REPS2: variants seen among roughly 807,000 people sequenced by gnomAD.
REPS2 encodes the protein ralBP1-associated Eps domain-containing protein 2.
A neutral mutation model predicts 53.6 loss-of-function variants in REPS2; 23 were observed. The ratio of observed to expected loss-of-function variants is 0.43; its 90% CI spans 0.31 to 0.61. REPS2 has a LOEUF of 0.61. REPS2 is among the 20% of genes least tolerant of loss of function. The probability of loss-of-function intolerance (pLI) is 0.11; values close to 1 mark genes in which losing one functional copy is unlikely to be tolerated. For missense variants in REPS2, 446 were observed against 534.9 expected (o/e 0.83, Z 1.64); for synonymous variants, 238 against 218.6 (o/e 1.09, Z -0.78).
rs1044438239 is a variant in REPS2 at position 17,043,357 on chromosome X, G to C, written c.772-3990G>C. Among the ~76,000 whole-genome samples, 5 of 111,313 alleles carry C rather than the reference G, an allele frequency of 4.5e-5. No individual in the cohort carries two copies. The East Asian group carries it at 8.5e-4, about 19-fold the overall frequency. ...GGGTTGGGTTCTCATGGGAATCTAA[G>C]AAATGAGAGCCAAGGAATGGCCCAC... On this transcript the variant is annotated intron_variant, in intron 5 of 17. Coordinates refer to ENST00000357277, the MANE Select transcript of REPS2 (RefSeq NM_004726.3).
Position 17,149,151 on chromosome X carries a change from T to C in REPS2, c.*1670T>C, listed in dbSNP as rs973141434. ...TTGAACTATTTTTCTATTCCCTTTT[T>C]TTCTTCCCCATTTGCTGCCTTTTTT... On this transcript the variant is annotated 3_prime_UTR_variant, in exon 18 of 18. Coordinates refer to ENST00000357277, the MANE Select transcript of REPS2 (RefSeq NM_004726.3). The C allele has an allele frequency of 8.1e-6, 2 of 247,345 alleles. No homozygotes were observed. The highest frequency in any genetic ancestry group is 1.5e-5 in the Non-Finnish European group (2 of 132,827). 20.4% of individuals were successfully genotyped at this position (247,345 alleles called of 1,213,427 possible). A position where few individuals can be genotyped will look rare whatever the true frequency, so the allele number is the denominator to read the frequency against.
In REPS2 at chrX:17,150,079, A is replaced by G. The variant is rs2063554933; in HGVS notation, c.*2598A>G. The G allele has an allele frequency of 8.9e-6, 1 of 112,844 alleles. No individual in the cohort carries two copies. The highest frequency in any genetic ancestry group is 3.2e-5 in the African/African-American group (1 of 30,940). 9.3% of individuals were successfully genotyped at this position (112,844 alleles called of 1,213,427 possible). On this transcript the variant is annotated 3_prime_UTR_variant, in exon 18 of 18. Transcript: ENST00000357277. ...AAACAGTTAAATGTGTGTGCATAAC[A>G]CACAAGTAATGACACACTACTATTA...
At chrX:17,035,496 G>A (rs2061754284) in intron 5 of REPS2, among the ~76,000 whole-genome samples, 1 of 110,729 alleles carries the variant, frequency 9.0e-6, no homozygotes, top group Admixed American at 9.6e-5. Flanking sequence ...CTAATACTCA[G>A]CCCAGGGAAT....
intron 13 of REPS2, among the ~76,000 whole-genome samples, chrX:17,096,425 C>T (rs887986304): frequency 3.7e-5 from 4 of 109,372 alleles, no homozygotes; most frequent in African/African-American, 1.0e-4. Flanking sequence ...TTTGGGAGGC[C>T]GAGGCGGGCG....
chrX:16,953,939 G>A (rs745640559), intron 1 of REPS2, among the ~76,000 whole-genome samples: 24 of 111,293 alleles, frequency 2.2e-4, no homozygotes, highest in Non-Finnish European at 3.8e-4. Context: ...TGACTTTCAT[G>A]GGCTTTCTTT....
chrX:17,016,769 T>C (rs1302808298), intron 2 of REPS2, among the ~76,000 whole-genome samples: 6 of 102,636 alleles, frequency 5.8e-5, no homozygotes, highest in East Asian at 6.0e-4. Context: ...TCTTTTTTTT[T>C]TTTTTTTTTT....
chrX:17,018,869 G>A (rs1384085816), intron 2 of REPS2, among the ~76,000 whole-genome samples: 5 of 110,683 alleles, frequency 4.5e-5, no homozygotes. Context: ...CTGGAGTGCA[G>A]TGGCATGATG....
chrX:16,968,395 T>C (rs1466788728), intron 1 of REPS2, among the ~76,000 whole-genome samples: 1 of 112,019 alleles, frequency 8.9e-6, no homozygotes, highest in South Asian at 3.7e-4. Flanking sequence ...GCAGAGGGGC[T>C]CCTCACTTCC....
chrX:17,054,348 A>C (rs1216176326), intron 7 of REPS2, among the ~76,000 whole-genome samples: 1 of 112,796 alleles, frequency 8.9e-6, no homozygotes, highest in Non-Finnish European at 1.9e-5. Flanking sequence ...AAGCTGAAAA[A>C]CAAAGAGCTT....
the REPS2 span, among the ~76,000 whole-genome samples, chrX:17,182,791 C>T: frequency 2.7e-5 from 3 of 112,090 alleles, no homozygotes; most frequent in East Asian, 8.4e-4. Context: ...GAGCGAGCAC[C>T]TACTACGTAC....
chrX:17,009,813 T>G (rs1403252605), intron 2 of REPS2, among the ~76,000 whole-genome samples: 1 of 111,139 alleles, frequency 9.0e-6, no homozygotes, highest in Non-Finnish European at 1.9e-5. Flanking sequence ...TGTTGTACTT[T>G]GTAAAACATT....
At chrX:16,951,559 A>ACACACACCCCCC (rs879259718) in intron 1 of REPS2, among the ~76,000 whole-genome samples, 1 of 37,477 alleles carries the variant, frequency 2.7e-5, no homozygotes, top group Non-Finnish European at 5.5e-5. Flanking sequence ...ACACACACAC[A>ACACACACCCCCC]CCCCCGCTAC....
chrX:17,108,048 G>A (rs1488990634), intron 14 of REPS2, among the ~76,000 whole-genome samples: 1 of 111,161 alleles, frequency 9.0e-6, no homozygotes. Flanking sequence ...AAAGTGTTGG[G>A]GATTACAGGC....
chrX:17,050,197 T>TCTTTCTTTC (rs773752476), intron 6 of REPS2, among the ~76,000 whole-genome samples: 5 of 46,151 alleles, frequency 1.1e-4, no homozygotes, highest in South Asian at 1.2e-3. Context: ...TTTCTTTCTT[T>TCTTTCTTTC]TTTTTTTTTT....
chrX:17,052,379 C>T lies in REPS2; in HGVS notation c.908-3C>T, dbSNP rs1305983192. 1 of 1,203,337 alleles carries T rather than the reference C, an allele frequency of 8.3e-7. No homozygotes were observed. The highest frequency in any genetic ancestry group is 1.1e-6 in the Non-Finnish European group (1 of 890,169). On this transcript the variant is annotated splice_polypyrimidine_tract_variant and splice_region_variant and intron_variant, in intron 6 of 17. Coordinates refer to ENST00000357277, the MANE Select transcript of REPS2 (RefSeq NM_004726.3). Reference sequence around the variant, plus strand: ...GGTTTATTTAAACAATGGCACTTGACAGGTTCTGTGGCCAAGAACTTCTTC... The same window carrying T: ...GGTTTATTTAAACAATGGCACTTGATAGGTTCTGTGGCCAAGAACTTCTTC...
At chrX:17,056,008 AAAC>A (rs2062064795) in intron 8 of REPS2, among the ~76,000 whole-genome samples, 1 of 110,659 alleles carries the variant, frequency 9.0e-6, no homozygotes. Flanking sequence ...AAAAATAAAA[AAAC>A]AAACAAACAA....
chrX:16,953,379 G>A (rs944847493), intron 1 of REPS2, among the ~76,000 whole-genome samples: 1 of 111,177 alleles, frequency 9.0e-6, no homozygotes. Context: ...CCACCACTCC[G>A]TATAAGTAAA....
the REPS2 span, among the ~76,000 whole-genome samples, chrX:17,176,148 A>G: frequency 8.1e-5 from 9 of 111,457 alleles, no homozygotes; most frequent in African/African-American, 2.3e-4. Flanking sequence ...TGATGGGTAC[A>G]GGGTGTAAAC....
chrX:17,057,114 A>C (rs1391036739), intron 8 of REPS2, among the ~76,000 whole-genome samples: 1 of 112,300 alleles, frequency 8.9e-6, no homozygotes, highest in Non-Finnish European at 1.9e-5. Context: ...GGGCTGTTAA[A>C]GAAATGAGAG....
Sources: allele counts gnomAD v4.1 joint callset (sites outside exome capture counted in the v4.1 genomes callset), GRCh38; gene constraint gnomAD v4.1.1; transcripts MANE v1.5; gene names NCBI Gene and HGNC (gene_info 2026-07-23, HGNC 2026-07-21).